Variants in CCDC88A observed in about 807,000 individuals in gnomAD.
CCDC88A encodes the protein coiled-coil and HOOK domain protein 88A, also known as girdin.
CCDC88A carries 54 observed loss-of-function variants against 234.3 expected under a neutral mutation model. The ratio of observed to expected loss-of-function variants is 0.23; its 90% CI spans 0.19 to 0.29. CCDC88A has a LOEUF of 0.29. CCDC88A is among the 10% of genes least tolerant of loss of function. The pLI is 1.00. For synonymous variants in CCDC88A, 753 were observed against 737.8 expected (o/e 1.02, Z -0.33); for missense variants, 1,832 against 2,123.4 (o/e 0.86, Z 2.70).
At position 55,301,271 on chromosome 2, in the gene CCDC88A, G is replaced by A. The variant is rs759842535; in HGVS notation, c.4679C>T (p.Thr1560Ile). 29 of 1,561,516 alleles carry A rather than the reference G, an allele frequency of 1.9e-5. No homozygotes were observed. Among genetic ancestry groups the A allele is most frequent in the Non-Finnish European group, 1.2e-5 (14 of 1,143,732 alleles). The change falls in exon 28 of 33, where the codon ACA becomes ATA. Residue 1560 changes from threonine (T) to isoleucine (I), a missense_variant. Around this residue, in one of 6 missense-constraint regions of CCDC88A, gnomAD observed 422 missense variants for 416.5 expected, o/e 1.01. Transcript: ENST00000436346. Reference protein sequence around the residue: ...SKQLVNNKDTTSFEDISPQGV... With the variant: ...SKQLVNNKDTISFEDISPQGV... ...TTGTGGACTTATGTCTTCAAAGGAT[G>A]TAGTATCTACATAAAATAGCAAAAT...
chr2:55,370,641 C>CAACA (rs1672692333), intron 5 of CCDC88A, among the ~76,000 whole-genome samples: 1 of 47,512 alleles, frequency 2.1e-5, no homozygotes, highest in Non-Finnish European at 4.5e-5. Context: ...AACTCTGTCT[C>CAACA]AAAAAAAAAA....
At chr2:55,355,465 T>TTTGACACA (rs3975805) in intron 8 of CCDC88A, 114 bp downstream of exon 8, 385,926 of 877,260 alleles carry the variant, frequency 0.44, 90,935 homozygotes, top group East Asian at 0.82. Context: ...TTTTTCTCAT[T>TTTGACACA]TACTTGTGAA....
rs1680218586 is a variant in CCDC88A at position 55,297,340 on chromosome 2, T to TTATGTATTATATATAAATATATATAA, written c.4826-818_4826-817insTTATATATATTTATATATAATACATA. Among the ~76,000 whole-genome samples, 3 of 36,844 alleles carry TTATGTATTATATATAAATATATATAA rather than the reference T, an allele frequency of 8.1e-5. No homozygotes were observed. The East Asian group carries it at 2.6e-3, about 31-fold the overall frequency. The allele number at this position is 36,844 out of a possible 152,430, so 24.2% of individuals were successfully genotyped here. A position where few individuals can be genotyped will look rare whatever the true frequency, so the allele number is the denominator to read the frequency against. ...AATATATAATATATAATATATAAATTTATATATTATATATAAATATATATA... is the reference window on the plus strand; with the variant it reads ...AATATATAATATATAATATATAAATTTATGTATTATATATAAATATATATAATATATATTATATATAAATATATATA... On this transcript the variant is annotated intron_variant, in intron 29 of 32. Transcript: ENST00000436346.
chr2:55,374,499 G>A (rs1673299623), intron 4 of CCDC88A, among the ~76,000 whole-genome samples: 1 of 152,060 alleles, frequency 6.6e-6, no homozygotes, highest in African/African-American at 2.4e-5. Context: ...CTTTTCTAAG[G>A]TAATATTCTT....
At position 55,309,657 on chromosome 2, in the gene CCDC88A, C is replaced by T. The variant is rs1446412579; in HGVS notation, c.4080-403G>A. 6.6e-6 allele frequency among the ~76,000 whole-genome samples: 1 copy of T among 152,052 alleles called. No homozygotes were observed. The highest frequency in any genetic ancestry group is 1.5e-5 in the Non-Finnish European group (1 of 68,010). ...CTGACTCCAGCAATGCATGAGTCAT[C>T]GCATCCTAGTCTCATTGTTATATTC... On this transcript the variant is annotated intron_variant, in intron 23 of 32. Transcript: ENST00000436346. The surrounding 1 kb of genome is among the most constrained non-coding windows in gnomAD (Gnocchi z 5.1).
At chr2:55,368,857 C>T (rs917940608) in intron 5 of CCDC88A, among the ~76,000 whole-genome samples, 1 of 152,056 alleles carries the variant, frequency 6.6e-6, no homozygotes, top group Non-Finnish European at 1.5e-5. Flanking sequence ...ACAAAATATT[C>T]CAACAATACT....
intron 17 of CCDC88A, among the ~76,000 whole-genome samples, chr2:55,325,589 T>C (rs954375400): frequency 6.6e-6 from 1 of 152,154 alleles, no homozygotes; most frequent in Non-Finnish European, 1.5e-5. Flanking sequence ...GAGAGCAAAA[T>C]CTTTGTATTC....
intron 5 of CCDC88A, among the ~76,000 whole-genome samples, chr2:55,366,480 T>C (rs933200911): frequency 2.0e-5 from 3 of 150,550 alleles, no homozygotes; most frequent in Non-Finnish European, 2.9e-5. Context: ...TGAGCCAAGA[T>C]TGCGCCACTA....
At chr2:55,363,862 C>G (rs1671625724) in intron 6 of CCDC88A, 88 bp downstream of exon 6, 1 of 650,780 alleles carries the variant, frequency 1.5e-6, no homozygotes, top group South Asian at 2.1e-5. Context: ...CTTGCTTATT[C>G]TATGACTTTG....
chr2:55,294,592 T>C, intron 31 of CCDC88A: 12 of 984,346 alleles, frequency 1.2e-5, no homozygotes, highest in Non-Finnish European at 1.4e-5. Flanking sequence ...ATATGTAATA[T>C]AAAGTACACA....
intron 25 of CCDC88A, among the ~76,000 whole-genome samples, chr2:55,306,851 C>T (rs1377381712): frequency 2.6e-5 from 4 of 152,198 alleles, no homozygotes; most frequent in Admixed American, 2.6e-4. Flanking sequence ...GCTGGGATTA[C>T]AGGCATGAGC....
At chr2:55,415,710 G>A (rs1468124782) in intron 2 of CCDC88A, among the ~76,000 whole-genome samples, 1 of 152,152 alleles carries the variant, frequency 6.6e-6, no homozygotes, top group Non-Finnish European at 1.5e-5. Context: ...ATATAAGTGT[G>A]AGGAAACTAC....
At position 55,334,727 on chromosome 2, in the gene CCDC88A, T is replaced by A; in HGVS notation, c.2094A>T (p.Gln698His). The stretch of plus-strand genomic sequence containing the variant: ...GCAGTTCTAAGTTTTCCTCATCAAG[T>A]TGGGAATTCTCTTTTTCTAGGGATT... ...QLESLEKENS[Q>H]LDEENLELRR... Residue 698 changes from glutamine (Q) to histidine (H), a missense_variant, in exon 15 of 33, where the codon CAA becomes CAT. This residue lies in a region of CCDC88A where 1,282 missense variants were observed against 1,543.6 expected (regional missense o/e 0.83). Coordinates refer to ENST00000436346, the MANE Select transcript of CCDC88A (RefSeq NM_001365480.1). This position sits in a 1 kb window ranked among gnomAD's most constrained non-coding sequence, Gnocchi z 6.1. 6.2e-7 allele frequency: 1 copy of A among 1,612,880 alleles called. No individual in the cohort carries two copies. The highest frequency in any genetic ancestry group is 1.3e-5 in the African/African-American group (1 of 75,024).
intron 5 of CCDC88A, among the ~76,000 whole-genome samples, chr2:55,364,995 T>A (rs1671768080): frequency 6.6e-6 from 1 of 152,192 alleles, no homozygotes; most frequent in Admixed American, 6.5e-5. Flanking sequence ...TCTTTGATCA[T>A]GAAACTTATA....
rs572749324 is a variant in CCDC88A at position 55,389,810 on chromosome 2, G to T, written c.165-924C>A. Among the ~76,000 whole-genome samples, 25 of 151,998 alleles carry T rather than the reference G, an allele frequency of 1.6e-4. No homozygotes were observed. In the South Asian group the frequency reaches 4.4e-3, roughly 27 times the overall value. On this transcript the variant is annotated intron_variant, in intron 2 of 32. Transcript: ENST00000436346. ...AATCCCAGCAGTTTGGGAGGCCCAG[G>T]CTGGTGGATCACCTGAGGTCAGGAG... is the stretch of plus-strand genomic sequence containing the variant.
At chr2:55,381,134 G>T (rs1171646883) in intron 3 of CCDC88A, among the ~76,000 whole-genome samples, 3 of 137,146 alleles carry the variant, frequency 2.2e-5, no homozygotes, top group Admixed American at 7.1e-5. Context: ...TGCTATACAG[G>T]TTTGCAGCCT....
chr2:55,316,263 C>T (rs990023743), intron 21 of CCDC88A, 149 bp from the exon 22 acceptor site: 1 of 405,864 alleles, frequency 2.5e-6, no homozygotes, highest in Non-Finnish European at 4.3e-6. Flanking sequence ...AAATCAGTTT[C>T]TATTCTGTAA....
At chr2:55,344,291 G>T in intron 11 of CCDC88A, 77 bp downstream of exon 11, 1 of 1,043,856 alleles carries the variant, frequency 9.6e-7, no homozygotes, top group Non-Finnish European at 1.4e-6. Context: ...AGCCATCCTT[G>T]CCAATACAGG....
chr2:55,295,375 G>T, intron 31 of CCDC88A: 6 of 1,539,392 alleles, frequency 3.9e-6, no homozygotes, highest in Non-Finnish European at 5.3e-6. Flanking sequence ...ACAGTAAATG[G>T]TCCTATGCTA....
Sources: allele counts gnomAD v4.1 joint callset (sites outside exome capture counted in the v4.1 genomes callset), GRCh38; gene constraint gnomAD v4.1.1; regional missense constraint gnomAD v4.1.1; non-coding constraint Gnocchi (gnomAD v3.1); transcripts MANE v1.5; gene names NCBI Gene and HGNC (gene_info 2026-07-23, HGNC 2026-07-21).